IBSP: variants seen among roughly 807,000 people sequenced by gnomAD.
IBSP encodes the protein integrin binding sialoprotein, also known as integrin-binding sialoprotein.
In IBSP, 19 loss-of-function variants were observed where a neutral mutation model predicts 25.5. The ratio of observed to expected loss-of-function variants is 0.74; its 90% CI spans 0.52 to 1.09. IBSP has a LOEUF of 1.09. Ranked by LOEUF, IBSP falls within the 50% of genes least tolerant of loss-of-function variation. IBSP has a pLI of 0.00. For synonymous variants in IBSP, 144 were observed against 137.6 expected (o/e 1.05, Z -0.33); for missense variants, 360 against 382.3 (o/e 0.94, Z 0.49).
chr4:87,802,915 T>C (rs1273741701), intron 4 of IBSP, among the ~76,000 whole-genome samples, 184 bp downstream of exon 4: 1 of 152,176 alleles, frequency 6.6e-6, no homozygotes, highest in Non-Finnish European at 1.5e-5. Flanking sequence ...AAGGCAGACA[T>C]ATACACAGAG....
chr4:87,799,902 T>A (rs1364761003), intron 1 of IBSP, among the ~76,000 whole-genome samples: 1 of 152,196 alleles, frequency 6.6e-6, no homozygotes, highest in Non-Finnish European at 1.5e-5. Flanking sequence ...ATAGCTTAAC[T>A]GTTTGTTTTC....
At position 87,811,814 on chromosome 4, in the gene IBSP, T is replaced by G; in HGVS notation, c.858T>G (p.Arg286=). The G allele has an allele frequency of 1.9e-6, 3 of 1,611,676 alleles. No individual in the cohort carries two copies. The highest frequency in any genetic ancestry group is 2.5e-6 in the Non-Finnish European group (3 of 1,178,810). ...EIYESENGEP[R]GDNYRAYEDE... is the part of the protein sequence containing the mutation. ...ATGAAAGTGAGAACGGGGAACCTCG[T>G]GGGGACAATTACCGAGCCTATGAAG... Residue 286 remains arginine, a synonymous_variant, in exon 7 of 7, where the codon CGT becomes CGG. Transcript: ENST00000226284.
At chr4:87,801,420 A>G (rs1722013678) in intron 1 of IBSP, among the ~76,000 whole-genome samples, 2 of 151,638 alleles carry the variant, frequency 1.3e-5, no homozygotes, top group African/African-American at 2.4e-5. Flanking sequence ...TGTCAGTGTG[A>G]TATTTCATAT....
intron 5 of IBSP, among the ~76,000 whole-genome samples, chr4:87,807,215 G>A (rs201527693): frequency 1.3e-5 from 2 of 151,990 alleles, no homozygotes; most frequent in Non-Finnish European, 2.9e-5. Flanking sequence ...CATCTTTCCC[G>A]CATAGTCAAT....
intron 4 of IBSP, among the ~76,000 whole-genome samples, chr4:87,803,607 G>T (rs2110056348): frequency 6.6e-6 from 1 of 152,306 alleles, no homozygotes; most frequent in South Asian, 2.1e-4. Flanking sequence ...TGAAAACGAT[G>T]CCTCAGCACA....
At chr4:87,803,973 T>C (rs1381296372) in intron 4 of IBSP, among the ~76,000 whole-genome samples, 1 of 152,172 alleles carries the variant, frequency 6.6e-6, no homozygotes, top group Non-Finnish European at 1.5e-5. Context: ...TTTATAGATA[T>C]GTATGTATGG....
intron 5 of IBSP, among the ~76,000 whole-genome samples, chr4:87,808,998 T>C (rs1722131618): frequency 1.3e-5 from 2 of 152,176 alleles, no homozygotes; most frequent in Non-Finnish European, 2.9e-5. Context: ...TACTGAGGCA[T>C]ATATATTCAA....
chr4:87,810,884 A>G, intron 6 of IBSP, 120 bp downstream of exon 6: 1 of 749,712 alleles, frequency 1.3e-6, no homozygotes, highest in South Asian at 2.4e-5. Flanking sequence ...CACACATAGT[A>G]TTTTATACTA....
intron 6 of IBSP, 83 bp downstream of exon 6, chr4:87,810,847 C>A: frequency 3.1e-6 from 4 of 1,271,376 alleles, no homozygotes; most frequent in South Asian, 1.4e-5. Context: ...AACTTTTTAA[C>A]TGGAGTCTAA....
chr4:87,803,187 T>C (rs1053305156), intron 4 of IBSP, among the ~76,000 whole-genome samples: 3 of 152,196 alleles, frequency 2.0e-5, no homozygotes, highest in African/African-American at 7.2e-5. Flanking sequence ...TCAGAGGCCA[T>C]TGTTTTTAAA....
intron 5 of IBSP, 62 bp from the exon 6 acceptor site, chr4:87,810,544 C>CAGTA: frequency 7.9e-7 from 1 of 1,264,898 alleles, no homozygotes; most frequent in East Asian, 2.3e-5. Flanking sequence ...TTCACAGCTC[C>CAGTA]AGTAAATCTT....
Position 87,811,935 on chromosome 4 carries a change from C to G in IBSP, c.*25C>G. The G allele has an allele frequency of 6.7e-7, 1 of 1,499,226 alleles. No homozygotes were observed. The highest frequency in any genetic ancestry group is 1.4e-5 in the South Asian group (1 of 72,662). The allele number at this position is 1,499,226 out of a possible 1,614,324, so 92.9% of individuals were successfully genotyped here. The stretch of plus-strand genomic sequence containing the variant: ...AAGCTCCAGCCTGGGATGAATTCAT[C>G]CATTCTGGCTTTGCATCCGGCTACC... On this transcript the variant is annotated 3_prime_UTR_variant, in exon 7 of 7. Coordinates refer to ENST00000226284, the MANE Select transcript of IBSP (RefSeq NM_004967.4).
At chr4:87,809,933 T>G (rs1379256415) in intron 5 of IBSP, among the ~76,000 whole-genome samples, 1 of 152,192 alleles carries the variant, frequency 6.6e-6, no homozygotes, top group Non-Finnish European at 1.5e-5. Flanking sequence ...ATTAATTTTT[T>G]AAAACACCTT....
At chr4:87,808,169 G>A (rs1282063427) in intron 5 of IBSP, among the ~76,000 whole-genome samples, 1 of 151,428 alleles carries the variant, frequency 6.6e-6, no homozygotes, top group Non-Finnish European at 1.5e-5. Flanking sequence ...AAACTATTTA[G>A]TCTCATAAAA....
intron 1 of IBSP, among the ~76,000 whole-genome samples, chr4:87,801,663 T>C (rs1411958232): frequency 2.6e-5 from 4 of 152,158 alleles, no homozygotes; most frequent in African/African-American, 9.7e-5. Flanking sequence ...TGCTTTTTTG[T>C]TTTATTTTTG....
At chr4:87,801,575 C>T (rs1319422740) in intron 1 of IBSP, among the ~76,000 whole-genome samples, 3 of 151,968 alleles carry the variant, frequency 2.0e-5, no homozygotes, top group Non-Finnish European at 1.5e-5. Flanking sequence ...ATTGCTCCTA[C>T]TTTCCATTTT....
intron 5 of IBSP, 104 bp from the exon 6 acceptor site, chr4:87,810,502 G>A (rs987762859): frequency 1.1e-6 from 1 of 928,984 alleles, no homozygotes; most frequent in Non-Finnish European, 1.7e-6. Context: ...GGGATGCAAA[G>A]TTTTTCCAAA....
chr4:87,802,579 T>C (rs764306350), intron 3 of IBSP, 21 bp downstream of exon 3: 2 of 1,592,924 alleles, frequency 1.3e-6, no homozygotes, highest in South Asian at 1.2e-5. Context: ...TTAGCATACT[T>C]CCTTGGCCTG....
Position 87,806,169 on chromosome 4 carries a change from G to A in IBSP, c.231G>A (p.Glu77=), listed in dbSNP as rs1480384414. The change falls in exon 5 of 7, where the codon GAG becomes GAA. Residue 77 remains glutamate, a synonymous_variant. Transcript: ENST00000226284. The part of the protein sequence containing the change: ...SEENGDDSSE[E]EEEEEETSNE... ...AAAATGGAGATGACAGTTCAGAAGA[G>A]GAGGAGGAAGAAGAGGTAAGGAATT... 1.2e-6 allele frequency: 2 copies of A among 1,610,596 alleles called. No individual in the cohort carries two copies. Among genetic ancestry groups the A allele is most frequent in the Non-Finnish European group, 1.7e-6 (2 of 1,178,758 alleles).
Sources: gnomAD v4.1 joint callset for allele counts (sites outside exome capture counted in the v4.1 genomes callset) on GRCh38, gnomAD v4.1.1 for gene constraint, MANE v1.5 for transcripts, NCBI Gene and HGNC (gene_info 2026-07-23, HGNC 2026-07-21) for gene names.